MEI4: variants seen among roughly 807,000 people sequenced by gnomAD.
MEI4 encodes meiotic double-stranded break formation protein 4.
MEI4 carries 27 observed loss-of-function variants against 31.4 expected under a neutral mutation model. The ratio of observed to expected loss-of-function variants is 0.86; its 90% CI spans 0.63 to 1.19. The LOEUF is 1.19. Among genes scored for constraint, MEI4 ranks in the 50% most tolerant of loss-of-function variants. The probability of loss-of-function intolerance (pLI) is 0.00; values close to 1 mark genes in which losing one functional copy is unlikely to be tolerated. For synonymous variants in MEI4, 122 were observed against 145.4 expected, an observed-to-expected ratio of 0.84 and a Z score of 1.16; for missense variants, 329 against 398.9, an observed-to-expected ratio of 0.82 and a Z score of 1.49.
intron 2 of MEI4, among the ~76,000 whole-genome samples, chr6:77,737,336 G>C (rs538484267): frequency 6.6e-6 from 1 of 152,288 alleles, no homozygotes; most frequent in East Asian, 1.9e-4. Context: ...CATAGCTCAG[G>C]TCTTACATGT....
upstream of MEI4, among the ~76,000 whole-genome samples, chr6:77,650,348 G>A (rs1045364732): frequency 6.6e-6 from 1 of 152,200 alleles, no homozygotes; most frequent in Admixed American, 6.5e-5. Flanking sequence ...GGGCAGAAGG[G>A]GTCGAGTCGG....
At chr6:77,795,328 C>T (rs1008734878) in intron 3 of MEI4, among the ~76,000 whole-genome samples, 1 of 152,052 alleles carries the variant, frequency 6.6e-6, no homozygotes, top group Non-Finnish European at 1.5e-5. Context: ...GTTTAGAGAT[C>T]CAAATTGATT....
At position 77,741,104 on chromosome 6, in the gene MEI4, T is replaced by C. The variant is rs924847745; in HGVS notation, c.233-20026T>C. Reference sequence around the variant, plus strand: ...GAAGAATCAGTACACATCTGGATTATGGTATAAGAAACACACCAGATGGGA... The same window carrying C: ...GAAGAATCAGTACACATCTGGATTACGGTATAAGAAACACACCAGATGGGA... On this transcript the variant is annotated intron_variant, in intron 2 of 4. Transcript: ENST00000684080. Among the ~76,000 whole-genome samples the C allele has an allele frequency of 6.6e-5, 10 of 152,300 alleles. No homozygotes were observed. The East Asian group carries it at 1.5e-3, about 24-fold the overall frequency.
chr6:77,728,959 A>G (rs1007621470), intron 2 of MEI4, among the ~76,000 whole-genome samples: 2 of 152,212 alleles, frequency 1.3e-5, no homozygotes, highest in Non-Finnish European at 2.9e-5. Context: ...CTGTGCCCAT[A>G]AGGGAGGTGA....
chr6:77,892,947 C>A (rs192353975), intron 4 of MEI4, among the ~76,000 whole-genome samples: 1 of 152,000 alleles, frequency 6.6e-6, no homozygotes, highest in Non-Finnish European at 1.5e-5. Flanking sequence ...GTCTCAGGGC[C>A]CACAAGGGCT....
At chr6:77,739,348 C>T (rs1032932840) in intron 2 of MEI4, among the ~76,000 whole-genome samples, 3 of 152,030 alleles carry the variant, frequency 2.0e-5, no homozygotes, top group Admixed American at 6.5e-5. Flanking sequence ...GAATCCTGTC[C>T]CCATTGCTTG....
intron 2 of MEI4, among the ~76,000 whole-genome samples, chr6:77,747,579 A>C (rs1184476781): frequency 6.6e-6 from 1 of 152,150 alleles, no homozygotes; most frequent in Non-Finnish European, 1.5e-5. Context: ...CCTATGATCC[A>C]GTCATCTTCT....
At chr6:77,681,762 TGATA>T (rs1768961265) in intron 1 of MEI4, among the ~76,000 whole-genome samples, 1 of 152,118 alleles carries the variant, frequency 6.6e-6, no homozygotes, top group African/African-American at 2.4e-5. Context: ...AAGAGAAACA[TGATA>T]GATAGTTGAT....
intron 2 of MEI4, among the ~76,000 whole-genome samples, chr6:77,756,057 A>G (rs534595896): frequency 6.6e-6 from 1 of 152,276 alleles, no homozygotes; most frequent in Admixed American, 6.5e-5. Context: ...TTTGGGCATG[A>G]TGCTTTCTTA....
chr6:77,754,624 T>A (rs1322692331), intron 2 of MEI4, among the ~76,000 whole-genome samples: 1 of 152,230 alleles, frequency 6.6e-6, no homozygotes, highest in Non-Finnish European at 1.5e-5. Context: ...GCAGTACCAA[T>A]TTCTTGTATT....
intron 3 of MEI4, among the ~76,000 whole-genome samples, chr6:77,772,434 A>C (rs369507683): frequency 6.6e-6 from 1 of 152,188 alleles, no homozygotes; most frequent in African/African-American, 2.4e-5. Flanking sequence ...AATCAATGTG[A>C]TACATCATAT....
intron 1 of MEI4, among the ~76,000 whole-genome samples, chr6:77,686,785 A>G (rs943036807): frequency 3.3e-5 from 5 of 151,946 alleles, no homozygotes; most frequent in African/African-American, 1.2e-4. Flanking sequence ...CATACTTTGA[A>G]GATGTTTGAT....
At chr6:77,889,943 G>A (rs1033671532) in intron 4 of MEI4, among the ~76,000 whole-genome samples, 5 of 152,228 alleles carry the variant, frequency 3.3e-5, no homozygotes, top group Non-Finnish European at 7.3e-5. Context: ...CAGAAGTCAA[G>A]AATTGAAGTT....
At chr6:77,675,236 ATTAAT>A (rs1195131305) in intron 1 of MEI4, among the ~76,000 whole-genome samples, 4 of 151,794 alleles carry the variant, frequency 2.6e-5, no homozygotes, top group Non-Finnish European at 2.9e-5. Flanking sequence ...TCTTTTCTTT[ATTAAT>A]TTATAGGTAC....
At chr6:77,881,461 A>T (rs532599468) in intron 4 of MEI4, among the ~76,000 whole-genome samples, 5 of 152,184 alleles carry the variant, frequency 3.3e-5, no homozygotes, top group Non-Finnish European at 7.3e-5. Context: ...ATGACTTCTG[A>T]CTCATTCTAT....
intron 2 of MEI4, among the ~76,000 whole-genome samples, chr6:77,711,342 ATG>A (rs960040948): frequency 1.2e-4 from 19 of 152,146 alleles, no homozygotes; most frequent in Admixed American, 5.2e-4. Flanking sequence ...ATGTATATAT[ATG>A]TGTGTGTGTA....
chr6:77,812,930 T>A (rs947338835), intron 3 of MEI4, among the ~76,000 whole-genome samples: 1 of 152,098 alleles, frequency 6.6e-6, no homozygotes, highest in East Asian at 1.9e-4. Context: ...TTTTAGGGCC[T>A]GAAATGAGTA....
chr6:77,729,567 A>G (rs1044104966), intron 2 of MEI4, among the ~76,000 whole-genome samples: 4 of 152,208 alleles, frequency 2.6e-5, no homozygotes, highest in African/African-American at 9.6e-5. Context: ...CTTAGTGGCC[A>G]CAAGTCCAGC....
intron 4 of MEI4, among the ~76,000 whole-genome samples, chr6:77,893,582 A>G (rs1197620363): frequency 6.6e-6 from 1 of 152,208 alleles, no homozygotes; most frequent in East Asian, 1.9e-4. Flanking sequence ...CTCTTTGTTG[A>G]TTGTTATGTA....
Sources: allele counts gnomAD v4.1 joint callset (sites outside exome capture counted in the v4.1 genomes callset), GRCh38; gene constraint gnomAD v4.1.1; transcripts MANE v1.5; gene names NCBI Gene and HGNC (gene_info 2026-07-23, HGNC 2026-07-21).